Variants in MARCHF8 observed in about 807,000 individuals in gnomAD.
MARCHF8 encodes membrane associated ring-CH-type finger 8.
A neutral mutation model predicts 51.6 loss-of-function variants in MARCHF8; 40 were observed. The observed-to-expected ratio is 0.77, with a 90% CI of 0.60 to 1.01. MARCHF8 has a LOEUF of 1.01. MARCHF8 is among the 50% of genes least tolerant of loss of function. The probability of loss-of-function intolerance (pLI) is 0.00; values close to 1 mark genes in which losing one functional copy is unlikely to be tolerated. For synonymous variants in MARCHF8, 263 were observed against 280.3 expected, an observed-to-expected ratio of 0.94 and a Z score of 0.62; for missense variants, 685 against 708.6, an observed-to-expected ratio of 0.97 and a Z score of 0.38.
At chr10:45,511,400 T>A (rs2043499280) in intron 2 of MARCHF8, among the ~76,000 whole-genome samples, 1 of 151,022 alleles carries the variant, frequency 6.6e-6, no homozygotes, top group African/African-American at 2.4e-5. Flanking sequence ...CCTCTCCCTC[T>A]CCCCACGGCC....
chr10:45,534,115 G>A (rs902577701), intron 1 of MARCHF8, among the ~76,000 whole-genome samples: 52 of 152,022 alleles, frequency 3.4e-4, no homozygotes, highest in Admixed American at 1.9e-3. Context: ...CCCAGGAGGC[G>A]GAGCTCGCAG....
chr10:45,554,054 A>C (rs2133346511), intron 1 of MARCHF8, among the ~76,000 whole-genome samples: 2 of 152,370 alleles, frequency 1.3e-5, no homozygotes, highest in East Asian at 3.9e-4. Flanking sequence ...TATTTGTTGA[A>C]TTGGTGGTAT....
intron 3 of MARCHF8, among the ~76,000 whole-genome samples, chr10:45,474,367 A>G (rs779717439): frequency 2.0e-4 from 31 of 152,088 alleles, no homozygotes; most frequent in African/African-American, 7.5e-4. Context: ...GCCATACTCT[A>G]TGGCTTCCTG....
intron 2 of MARCHF8, 100 bp from the exon 3 acceptor site, chr10:45,489,517 G>A: frequency 8.9e-7 from 1 of 1,123,858 alleles, no homozygotes; most frequent in Admixed American, 2.0e-5. Flanking sequence ...ATCATTCCCT[G>A]AACTAGAATT....
chr10:45,529,948 A>T (rs1299223583), intron 2 of MARCHF8, among the ~76,000 whole-genome samples: 2 of 152,216 alleles, frequency 1.3e-5, no homozygotes, highest in African/African-American at 4.8e-5. Flanking sequence ...ATCTACGCAA[A>T]GGGAAAGAAA....
intron 5 of MARCHF8, among the ~76,000 whole-genome samples, chr10:45,462,914 C>G (rs916352824): frequency 2.6e-5 from 4 of 152,254 alleles, no homozygotes; most frequent in African/African-American, 9.6e-5. Context: ...GCGTGAGCCA[C>G]TGCGCCCAGC....
chr10:45,524,255 T>C (rs1362197309), intron 2 of MARCHF8, among the ~76,000 whole-genome samples: 1 of 152,228 alleles, frequency 6.6e-6, no homozygotes, highest in Non-Finnish European at 1.5e-5. Context: ...GACCATTTAG[T>C]AAAGAAGTCA....
In MARCHF8 at chr10:45,464,283, G is replaced by A. The variant is rs1842896309; in HGVS notation, c.198C>T (p.Ser66=). 1.2e-6 allele frequency: 2 copies of A among 1,614,184 alleles called. No individual in the cohort carries two copies. The highest frequency in any genetic ancestry group is 3.3e-5 in the Admixed American group (2 of 60,028). ...ATGGCGTGATAGAAGTGCGAGAGAA[G>A]GAGGACACCGGAGCCGGAGCTGATG... ...PSASAPAPVS[S]FSRTSITPSS... is the part of the protein sequence containing the mutation. Residue 66 remains serine, a synonymous_variant, in exon 4 of 8, where the codon TCC becomes TCT. Transcript: ENST00000453424.
chr10:45,473,305 C>T (rs1325720974), intron 3 of MARCHF8, among the ~76,000 whole-genome samples: 1 of 152,108 alleles, frequency 6.6e-6, no homozygotes, highest in Non-Finnish European at 1.5e-5. Flanking sequence ...CTGATTCTAC[C>T]CAGGAATATT....
chr10:45,492,935 GA>G (rs2043111101), intron 2 of MARCHF8, among the ~76,000 whole-genome samples: 1 of 152,190 alleles, frequency 6.6e-6, no homozygotes, highest in African/African-American at 2.4e-5. Context: ...TTCAAAATCT[GA>G]AAGGTGACAA....
upstream of MARCHF8, among the ~76,000 whole-genome samples, chr10:45,540,076 A>G (rs2044028993): frequency 6.6e-6 from 1 of 152,254 alleles, no homozygotes; most frequent in East Asian, 1.9e-4. Context: ...AGAACATTCC[A>G]TGCTCATGGG....
chr10:45,561,620 G>A (rs1262778164), intron 1 of MARCHF8, among the ~76,000 whole-genome samples: 3 of 150,698 alleles, frequency 2.0e-5, no homozygotes, highest in Admixed American at 6.6e-5. Context: ...GAAATTTTAG[G>A]CCAGGCGTGG....
At chr10:45,533,321 C>T in intron 1 of MARCHF8, 32 bp from the exon 2 acceptor site, 1 of 1,344,160 alleles carries the variant, frequency 7.4e-7, no homozygotes, top group Non-Finnish European at 9.7e-7. Context: ...ATAAACATAA[C>T]TCAGCTAAAA....
At position 45,458,450 on chromosome 10, in the gene MARCHF8, T is replaced by TA. The variant is rs1842680244; in HGVS notation, c.1510dup (p.Tyr504LeufsTer12). 6.2e-7 allele frequency: 1 copy of TA among 1,614,008 alleles called. No homozygotes were observed. The highest frequency in any genetic ancestry group is 8.5e-7 in the Non-Finnish European group (1 of 1,180,020). On this transcript the variant is annotated frameshift_variant, in exon 8 of 8. Coordinates refer to ENST00000453424, the MANE Select transcript of MARCHF8 (RefSeq NM_001282866.2). LOFTEE classifies it high-confidence loss of function. ...CTTGAGTCTCTTCCACAATTGCACA[T>TA]ACACTTTACACTGAACATACATAAA... is the stretch of plus-strand genomic sequence containing the variant.
intron 2 of MARCHF8, among the ~76,000 whole-genome samples, chr10:45,531,025 G>A (rs1589154869): frequency 6.6e-6 from 1 of 152,058 alleles, no homozygotes; most frequent in South Asian, 2.1e-4. Flanking sequence ...TGGCAGATTA[G>A]ATATTGAAAA....
intron 1 of MARCHF8, among the ~76,000 whole-genome samples, chr10:45,549,855 C>T (rs1248366644): frequency 2.6e-5 from 4 of 152,206 alleles, no homozygotes; most frequent in Non-Finnish European, 5.9e-5. Flanking sequence ...GATGATGCAG[C>T]AAGAAAGCCC....
At position 45,582,032 on chromosome 10, in the gene MARCHF8, A is replaced by AT. The variant is rs141044484; in HGVS notation, c.-79+12202dup. Among the ~76,000 whole-genome samples the AT allele has an allele frequency of 2.7e-3, 417 of 152,334 alleles. 12 individuals are homozygous for AT. In the East Asian group the frequency reaches 0.037, roughly 14 times the overall value. On this transcript the variant is annotated intron_variant, in intron 1 of 6. Coordinates refer to the MARCHF8 transcript ENST00000319836. ...GTAATGACCAATGAGTCACGCCACA[A>AT]TATGTTTTTTAAAATTATTTTAACA...
At chr10:45,495,459 T>G (rs2043156590) in intron 2 of MARCHF8, among the ~76,000 whole-genome samples, 2 of 152,120 alleles carry the variant, frequency 1.3e-5, no homozygotes, top group African/African-American at 4.8e-5. Context: ...CATTCAAAAC[T>G]CAGAGTTGAC....
At chr10:45,513,885 GA>G (rs1454584900) in intron 2 of MARCHF8, among the ~76,000 whole-genome samples, 2 of 152,154 alleles carry the variant, frequency 1.3e-5, no homozygotes, top group African/African-American at 4.8e-5. Context: ...CCAGCAGAAA[GA>G]ATTGGAGTGG....
Sources: gnomAD v4.1 joint callset for allele counts (sites outside exome capture counted in the v4.1 genomes callset) on GRCh38, gnomAD v4.1.1 for gene constraint, MANE v1.5 for transcripts, NCBI Gene and HGNC (gene_info 2026-07-23, HGNC 2026-07-21) for gene names.